EIF4E3: variants seen among roughly 807,000 people sequenced by gnomAD.
EIF4E3 encodes the protein eukaryotic translation initiation factor 4E type 3.
Under a neutral mutation model 31.7 loss-of-function variants are expected in EIF4E3, and 26 were observed. The observed-to-expected ratio is 0.82, with a 90% CI of 0.60 to 1.14. The LOEUF (loss-of-function observed/expected upper bound fraction) is 1.14. Ranked by LOEUF, EIF4E3 falls within the 50% of genes most tolerant of loss-of-function variation. EIF4E3 has a pLI of 0.00. For missense variants in EIF4E3, 304 were observed against 270.9 expected, an observed-to-expected ratio of 1.12 and a Z score of -0.86; for synonymous variants, 128 against 107.7, an observed-to-expected ratio of 1.19 and a Z score of -1.17.
chr3:71,697,440 C>A (rs750992962), intron 3 of EIF4E3, among the ~76,000 whole-genome samples: 3 of 152,202 alleles, frequency 2.0e-5, no homozygotes, highest in Non-Finnish European at 4.4e-5. Flanking sequence ...TCCAATTCTA[C>A]TCTTTTAGTT....
chr3:71,694,898 A>G (rs2049113913), intron 4 of EIF4E3, among the ~76,000 whole-genome samples: 1 of 152,240 alleles, frequency 6.6e-6, no homozygotes, highest in Non-Finnish European at 1.5e-5. Flanking sequence ...CTTAACATTT[A>G]AGATCCATGC....
rs1578386175 is a variant in EIF4E3 at position 71,737,189 on chromosome 3, G to A, written c.-290-8566C>T. ...GAGTTCAAACCCTAAGTCTGCCTGTGCTCCTAACAGTTGCAACTTCAGGAA... is the reference window on the plus strand; with the variant it reads ...GAGTTCAAACCCTAAGTCTGCCTGTACTCCTAACAGTTGCAACTTCAGGAA... On this transcript the variant is annotated intron_variant, in intron 1 of 7. Transcript: ENST00000295612. Among the ~76,000 whole-genome samples the A allele has an allele frequency of 5.3e-5, 8 of 152,236 alleles. No individual in the cohort carries two copies. The South Asian group carries it at 1.7e-3, about 32-fold the overall frequency.
chr3:71,741,463 A>T (rs1188187985), intron 1 of EIF4E3, among the ~76,000 whole-genome samples: 4 of 152,206 alleles, frequency 2.6e-5, no homozygotes, highest in African/African-American at 9.7e-5. Flanking sequence ...GTTCATCAAG[A>T]GGATATAATA....
chr3:71,705,455 T>G (rs1342217088), intron 2 of EIF4E3, among the ~76,000 whole-genome samples: 1 of 152,216 alleles, frequency 6.6e-6, no homozygotes, highest in Non-Finnish European at 1.5e-5. Context: ...TTAGGAAGAC[T>G]TTCTGCTTAT....
the EIF4E3 span, among the ~76,000 whole-genome samples, chr3:71,660,604 A>G: frequency 6.6e-6 from 1 of 152,270 alleles, no homozygotes; most frequent in South Asian, 2.1e-4. Context: ...TCAAAACCTC[A>G]TTATCTGCCA....
At chr3:71,751,199 TC>T (rs2049925834) in intron 1 of EIF4E3, among the ~76,000 whole-genome samples, 1 of 152,080 alleles carries the variant, frequency 6.6e-6, no homozygotes, top group South Asian at 2.1e-4. Context: ...TGCCACTGAC[TC>T]CAGCCTAGGT....
At chr3:71,702,057 CCT>C (rs2049225048) in intron 2 of EIF4E3, among the ~76,000 whole-genome samples, 1 of 152,186 alleles carries the variant, frequency 6.6e-6, no homozygotes, top group South Asian at 2.1e-4. Flanking sequence ...GATTCCCAAA[CCT>C]CTGTTCCTAA....
At chr3:71,743,603 T>A (rs1358351671) in intron 1 of EIF4E3, among the ~76,000 whole-genome samples, 2 of 152,108 alleles carry the variant, frequency 1.3e-5, no homozygotes, top group African/African-American at 4.8e-5. Flanking sequence ...TATCATAGAA[T>A]TAGATAACTT....
chr3:71,668,980 A>C, the EIF4E3 span, among the ~76,000 whole-genome samples: 1 of 152,232 alleles, frequency 6.6e-6, no homozygotes, highest in Non-Finnish European at 1.5e-5. Flanking sequence ...CAATAGCAAA[A>C]ACTTGGTACC....
chr3:71,732,844 C>T (rs1375386274), intron 1 of EIF4E3, among the ~76,000 whole-genome samples: 1 of 152,222 alleles, frequency 6.6e-6, no homozygotes, highest in East Asian at 1.9e-4. Context: ...TGCTTTGGGA[C>T]AAATCGGTGA....
At chr3:71,705,349 C>T (rs950276389) in intron 2 of EIF4E3, among the ~76,000 whole-genome samples, 2 of 152,144 alleles carry the variant, frequency 1.3e-5, no homozygotes, top group African/African-American at 2.4e-5. Context: ...GCTTGACCTG[C>T]GGATATGAAG....
chr3:71,733,417 C>CA (rs1476199256), intron 1 of EIF4E3, among the ~76,000 whole-genome samples: 2 of 152,204 alleles, frequency 1.3e-5, no homozygotes, highest in African/African-American at 4.8e-5. Flanking sequence ...TTTAGGGGAA[C>CA]ATTTTGTAAG....
chr3:71,671,599 G>A (rs934875523), downstream of EIF4E3, among the ~76,000 whole-genome samples: 1 of 152,154 alleles, frequency 6.6e-6, no homozygotes, highest in Non-Finnish European at 1.5e-5. Context: ...ATGGGCCCGT[G>A]TGACCCAACT....
chr3:71,741,612 G>A (rs1353821745), intron 1 of EIF4E3, among the ~76,000 whole-genome samples: 3 of 152,194 alleles, frequency 2.0e-5, no homozygotes, highest in Non-Finnish European at 4.4e-5. Context: ...GCTAGAACAA[G>A]TAGACAGAAA....
chr3:71,712,367 T>C (rs955280746), intron 1 of EIF4E3, among the ~76,000 whole-genome samples: 1 of 152,224 alleles, frequency 6.6e-6, no homozygotes, highest in Non-Finnish European at 1.5e-5. Context: ...CTTGGATAGA[T>C]ACTAAGTTGG....
rs938781115 is a variant in EIF4E3, at chr3:71,679,242, G to C, written c.*5440C>G. The C allele has an allele frequency of 3.9e-5, 6 of 152,156 alleles. No homozygotes were observed. The allele number at this position is 152,156 out of a possible 1,614,324, so 9.4% of individuals were successfully genotyped here. On this transcript the variant is annotated 3_prime_UTR_variant, in exon 7 of 7. Transcript: ENST00000425534. ...TGCTTATTTGTATGTGAAAAGATGA[G>C]AGGTAGCATAAATTTTCTATAGAAA...
At chr3:71,712,644 G>GGT (rs35405190) in intron 1 of EIF4E3, among the ~76,000 whole-genome samples, 1 of 123,988 alleles carries the variant, frequency 8.1e-6, no homozygotes, top group East Asian at 2.6e-4. Context: ...GTGGGCGGGG[G>GGT]AGATTCTAGG....
rs1489151050 is a variant in EIF4E3 at position 71,708,849 on chromosome 3, A to AGTG, written c.249+1560_249+1562dup. Reference sequence around the variant, plus strand: ...TCTTAGCGCGTTGATTTCTCTGGACAGTGGTGCTGCCTTGAGGTGCTGTCT... The same window carrying AGTG: ...TCTTAGCGCGTTGATTTCTCTGGACAGTGGTGGTGCTGCCTTGAGGTGCTGTCT... On this transcript the variant is annotated intron_variant, in intron 2 of 6. Transcript: ENST00000425534. Among the ~76,000 whole-genome samples the AGTG allele has an allele frequency of 2.0e-5, 3 of 152,186 alleles. No individual in the cohort carries two copies. The East Asian group carries it at 5.8e-4, about 29-fold the overall frequency.
At chr3:71,744,027 C>A (rs1352824827) in intron 1 of EIF4E3, among the ~76,000 whole-genome samples, 1 of 151,814 alleles carries the variant, frequency 6.6e-6, no homozygotes, top group Non-Finnish European at 1.5e-5. Flanking sequence ...TTTTCACAAC[C>A]ATGGTTTAGG....
Sources: gnomAD v4.1 joint callset for allele counts (sites outside exome capture counted in the v4.1 genomes callset) on GRCh38, gnomAD v4.1.1 for gene constraint, MANE v1.5 for transcripts, NCBI Gene and HGNC (gene_info 2026-07-23, HGNC 2026-07-21) for gene names.